TTC3: variants seen among roughly 807,000 people sequenced by gnomAD.
TTC3 encodes the protein E3 ubiquitin-protein ligase TTC3.
Under a neutral mutation model 249.6 loss-of-function variants are expected in TTC3, and 180 were observed. The ratio of observed to expected loss-of-function variants is 0.72; its 90% CI spans 0.64 to 0.82. The LOEUF (loss-of-function observed/expected upper bound fraction) is 0.82, where lower values mean the gene tolerates loss of function less well. TTC3 is among the 40% of genes least tolerant of loss of function. TTC3 has a pLI of 0.00. For synonymous variants in TTC3, 717 were observed against 805.0 expected, an observed-to-expected ratio of 0.89 and a Z score of 1.85; for missense variants, 2,061 against 2,398.4, an observed-to-expected ratio of 0.86 and a Z score of 2.94.
intron 16 of TTC3, among the ~76,000 whole-genome samples, chr21:37,131,534 T>C (rs530388723): frequency 3.3e-4 from 50 of 152,174 alleles, no homozygotes; most frequent in Non-Finnish European, 4.7e-4. Flanking sequence ...TTGTATCCTT[T>C]ATAATAAATT....
At chr21:37,179,131 T>A (rs1425353761) in intron 35 of TTC3, among the ~76,000 whole-genome samples, 1 of 151,958 alleles carries the variant, frequency 6.6e-6, no homozygotes, top group Non-Finnish European at 1.5e-5. Flanking sequence ...AAAAATTAAA[T>A]AAATAATTAG....
rs868762713 is a variant in TTC3 at position 37,112,272 on chromosome 21, G to C, written c.900+3826G>C. Reference sequence around the variant, plus strand: ...AATCCAGGAGCTGGTTTTCTGAAAAGATCAACAAAATTGATAGACCGCTAG... The same window carrying C: ...AATCCAGGAGCTGGTTTTCTGAAAACATCAACAAAATTGATAGACCGCTAG... On this transcript the variant is annotated intron_variant, in intron 11 of 45. Coordinates refer to ENST00000355666, the Ensembl canonical transcript of TTC3. Among the ~76,000 whole-genome samples the C allele has an allele frequency of 2.0e-4, 30 of 152,280 alleles. No individual in the cohort carries two copies. In the Middle Eastern group the frequency reaches 0.02, roughly 104 times the overall value.
intron 26 of TTC3, 59 bp from the exon 27 acceptor site, chr21:37,152,892 G>A: frequency 5.2e-6 from 7 of 1,344,118 alleles, no homozygotes; most frequent in Non-Finnish European, 6.9e-6. Flanking sequence ...TTATTTCTAA[G>A]TTTATGTAAT....
In TTC3 at chr21:37,099,792, C is replaced by A. The variant is rs975424173; in HGVS notation, c.845+3149C>A. On this transcript the variant is annotated intron_variant, in intron 10 of 45. Transcript: ENST00000355666. ...TGCAACCCACTTCTAGGCTCATATC[C>A]TCTGAACTCTCAAATGTGTACCCAA... Among the ~76,000 whole-genome samples, 17 of 152,208 alleles carry A rather than the reference C, an allele frequency of 1.1e-4. 1 individual carries two copies. Among genetic ancestry groups the A allele is most frequent in the Admixed American group, 7.2e-4 (11 of 15,286 alleles).
intron 41 of TTC3, among the ~76,000 whole-genome samples, chr21:37,192,501 G>GTGTGTGTGTC (rs1198324982): frequency 1.3e-5 from 2 of 151,340 alleles, no homozygotes; most frequent in Non-Finnish European, 2.9e-5. Context: ...TTGTGTGTGT[G>GTGTGTGTGTC]TGTGTGTGTG....
intron 1 of TTC3, among the ~76,000 whole-genome samples, chr21:37,078,695 C>G (rs540525513): frequency 6.6e-6 from 1 of 151,970 alleles, no homozygotes; most frequent in African/African-American, 2.4e-5. Context: ...AATATTTTTT[C>G]TGAAATTCCT....
chr21:37,141,687 T>G (rs182116283), intron 20 of TTC3, among the ~76,000 whole-genome samples: 1 of 152,216 alleles, frequency 6.6e-6, no homozygotes, highest in African/African-American at 2.4e-5. Context: ...AAGAATCACT[T>G]GAACCCAGGA....
At chr21:37,201,499 C>A (rs759214442) in exon 46 of TTC3, 1 of 1,613,914 alleles carries the variant, frequency 6.2e-7, no homozygotes, top group African/African-American at 1.3e-5. Context: ...GTCGTGATCT[C>A]CTGACAGAAG....
At chr21:37,150,267 C>A in intron 24 of TTC3, 97 bp downstream of exon 24, 2 of 860,124 alleles carry the variant, frequency 2.3e-6, no homozygotes, top group Middle Eastern at 2.3e-4. Flanking sequence ...TAATTTGGAT[C>A]TTTTCCAGGA....
At chr21:37,081,926 G>T (rs186400187) in intron 1 of TTC3, 1 of 149,870 alleles carries the variant, frequency 6.7e-6, no homozygotes, top group Admixed American at 6.7e-5. Flanking sequence ...GTGCAGAGGC[G>T]CGATCTCAGC....
At chr21:37,123,553 A>T (rs2076797528) in intron 13 of TTC3, among the ~76,000 whole-genome samples, 1 of 152,200 alleles carries the variant, frequency 6.6e-6, no homozygotes, top group African/African-American at 2.4e-5. Flanking sequence ...ACCTTTACTT[A>T]TTTGGCAATT....
chr21:37,144,743 C>T (rs2078835389), intron 21 of TTC3, 98 bp downstream of exon 21: 2 of 1,430,642 alleles, frequency 1.4e-6, no homozygotes. Context: ...GCATTCCATC[C>T]CCACCTCCCT....
chr21:37,108,581 T>C, intron 11 of TTC3, 135 bp downstream of exon 11: 1 of 836,152 alleles, frequency 1.2e-6, no homozygotes. Flanking sequence ...AGGGGAGTCA[T>C]CAGATCCATG....
At chr21:37,091,748 A>G (rs1240020649) in intron 7 of TTC3, 1 of 153,920 alleles carries the variant, frequency 6.5e-6, no homozygotes, top group East Asian at 1.9e-4. Context: ...CGCCTGGCTA[A>G]TTTATTGTAT....
chr21:37,161,020 A>G (rs2080687170), intron 30 of TTC3, among the ~76,000 whole-genome samples, 162 bp downstream of exon 30: 1 of 152,166 alleles, frequency 6.6e-6, no homozygotes, highest in Admixed American at 6.5e-5. Context: ...ATTTTGAAGA[A>G]ATTCCAGGTT....
intron 32 of TTC3, 41 bp from the exon 33 acceptor site, chr21:37,165,509 C>T (rs1211479605): frequency 6.8e-7 from 1 of 1,469,508 alleles, no homozygotes; most frequent in Non-Finnish European, 9.2e-7. Context: ...TATTCAAGTA[C>T]TTCCTTATAG....
intron 1 of TTC3, chr21:37,083,274 G>A: frequency 2.0e-6 from 2 of 985,388 alleles, no homozygotes; most frequent in Non-Finnish European, 2.4e-6. Flanking sequence ...GAGTGACTGG[G>A]GATAAAAGCA....
intron 1 of TTC3, among the ~76,000 whole-genome samples, chr21:37,084,525 G>A (rs896583534): frequency 3.3e-5 from 5 of 152,144 alleles, no homozygotes; most frequent in Admixed American, 3.3e-4. Context: ...GATCAGGTAG[G>A]TAGTATCGTT....
At chr21:37,154,978 A>G (rs2148026622) in intron 27 of TTC3, among the ~76,000 whole-genome samples, 1 of 152,290 alleles carries the variant, frequency 6.6e-6, no homozygotes, top group Non-Finnish European at 1.5e-5. Flanking sequence ...TACAGGCGTC[A>G]GCCACCGCGC....
Sources: allele counts gnomAD v4.1 joint callset (sites outside exome capture counted in the v4.1 genomes callset), GRCh38; gene constraint gnomAD v4.1.1; transcripts MANE v1.5; gene names NCBI Gene and HGNC (gene_info 2026-07-23, HGNC 2026-07-21).